The following LARP4B variants were observed in gnomAD, a reference collection of about 807,000 sequenced individuals.
LARP4B encodes La ribonucleoprotein 4B.
Under a neutral mutation model 89.8 loss-of-function variants are expected in LARP4B, and 12 were observed. The observed-to-expected ratio is 0.13, with a 90% CI of 0.09 to 0.22. LARP4B has a LOEUF of 0.22. Among genes scored for constraint, LARP4B ranks in the 10% least tolerant of loss-of-function variants. The probability of loss-of-function intolerance (pLI) is 1.00; values close to 1 mark genes in which losing one functional copy is unlikely to be tolerated. For synonymous variants in LARP4B, 367 were observed against 363.3 expected, an observed-to-expected ratio of 1.01 and a Z score of -0.12; for missense variants, 757 against 947.7, an observed-to-expected ratio of 0.80 and a Z score of 2.64.
At chr10:827,275 C>CAAAAAAAAGAAAAAAA (rs58903055) in intron 11 of LARP4B, among the ~76,000 whole-genome samples, 21,805 of 150,762 alleles carry the variant, frequency 0.14, 1,759 homozygotes, top group Non-Finnish European at 0.18. Context: ...GACTCTGTCT[C>CAAAAAAAAGAAAAAAA]AAAGAAAAAG....
the LARP4B span, chr10:986,109 T>A: frequency 6.6e-6 from 1 of 152,148 alleles, no homozygotes; most frequent in Admixed American, 6.5e-5. Flanking sequence ...GAAGTTCAGT[T>A]CTGCAAAATG....
chr10:828,720 G>A (rs1832746868), intron 11 of LARP4B, among the ~76,000 whole-genome samples: 1 of 152,038 alleles, frequency 6.6e-6, no homozygotes, highest in African/African-American at 2.4e-5. Flanking sequence ...AAACCTCTAG[G>A]CCATGAACCC....
chr10:953,560 G>A, the LARP4B span, among the ~76,000 whole-genome samples: 4 of 140,786 alleles, frequency 2.8e-5, no homozygotes, highest in African/African-American at 1.1e-4. Flanking sequence ...ACCTTTAAAA[G>A]GAAGAAATCG....
intron 3 of LARP4B, among the ~76,000 whole-genome samples, chr10:866,355 T>C (rs545115414): frequency 1.3e-5 from 2 of 152,352 alleles, no homozygotes; most frequent in East Asian, 3.9e-4. Context: ...ACTTGCCCTC[T>C]TCTCTCTCAT....
the LARP4B span, among the ~76,000 whole-genome samples, chr10:965,137 G>A: frequency 2.0e-5 from 3 of 152,228 alleles, no homozygotes; most frequent in African/African-American, 7.2e-5. Context: ...TCCACACAGT[G>A]CCAGTTTCCT....
intron 15 of LARP4B, chr10:815,330 C>T (rs1831980251): frequency 3.3e-6 from 1 of 304,216 alleles, no homozygotes; most frequent in Non-Finnish European, 6.0e-6. Context: ...TGATGATCTA[C>T]AAGCTTATTT....
the LARP4B span, among the ~76,000 whole-genome samples, chr10:948,696 G>A: frequency 6.6e-6 from 1 of 152,188 alleles, no homozygotes; most frequent in African/African-American, 2.4e-5. Context: ...CCCTGGTAAG[G>A]CCTCCATTGC....
intron 3 of LARP4B, among the ~76,000 whole-genome samples, chr10:883,515 A>C (rs1696186708): frequency 6.6e-6 from 1 of 152,148 alleles, no homozygotes; most frequent in Admixed American, 6.5e-5. Flanking sequence ...TGTTTCAAAA[A>C]AATAATAATA....
chr10:942,746 T>G, the LARP4B span: 7 of 152,142 alleles, frequency 4.6e-5, no homozygotes, highest in African/African-American at 1.7e-4. Context: ...TCTGATAATT[T>G]TGTGATTCCA....
At chr10:960,186 C>G in the LARP4B span, among the ~76,000 whole-genome samples, 1 of 152,004 alleles carries the variant, frequency 6.6e-6, no homozygotes, top group Non-Finnish European at 1.5e-5. Flanking sequence ...AAAGGCGGAA[C>G]TGGGGATAAT....
At chr10:952,339 CAAAAAA>C in the LARP4B span, among the ~76,000 whole-genome samples, 10 of 16,948 alleles carry the variant, frequency 5.9e-4, no homozygotes, top group Non-Finnish European at 8.9e-4. Context: ...GACTCCATCT[CAAAAAA>C]AAAAAAAAAA....
the LARP4B span, among the ~76,000 whole-genome samples, chr10:947,996 G>GTGAT: frequency 1.3e-5 from 2 of 152,210 alleles, no homozygotes; most frequent in East Asian, 3.9e-4. Flanking sequence ...TGCTGGCAGT[G>GTGAT]TGATAGTGGA....
chr10:956,408 C>T, the LARP4B span, among the ~76,000 whole-genome samples: 6 of 151,744 alleles, frequency 4.0e-5, no homozygotes, highest in South Asian at 2.1e-4. This position sits in a 1 kb window ranked among gnomAD's most constrained non-coding sequence, Gnocchi z 4.3. Context: ...TGCAGTGGCG[C>T]GATCTCGGCT....
chr10:894,912 C>T (rs1419304802), intron 1 of LARP4B, among the ~76,000 whole-genome samples: 7 of 152,186 alleles, frequency 4.6e-5, no homozygotes, highest in Admixed American at 6.5e-5. Context: ...AAGCCAGGCA[C>T]GGTGGCTCAC....
intron 5 of LARP4B, among the ~76,000 whole-genome samples, chr10:852,493 G>A (rs1418702841): frequency 6.6e-6 from 1 of 152,072 alleles, no homozygotes; most frequent in Non-Finnish European, 1.5e-5. Context: ...ACATATAAAG[G>A]GCACAGACCT....
intron 1 of LARP4B, among the ~76,000 whole-genome samples, chr10:919,107 T>G (rs2132041840): frequency 6.6e-6 from 1 of 152,266 alleles, no homozygotes; most frequent in South Asian, 2.1e-4. Context: ...CAATGAAAAT[T>G]ACTATTAATA....
the LARP4B span, among the ~76,000 whole-genome samples, chr10:983,051 T>C: frequency 1.3e-5 from 2 of 152,272 alleles, no homozygotes; most frequent in Admixed American, 6.5e-5. Context: ...GGTTATTACC[T>C]TTCTCTTTAT....
chr10:891,405 T>C (rs182158944), intron 1 of LARP4B, among the ~76,000 whole-genome samples: 49 of 152,326 alleles, frequency 3.2e-4, no homozygotes, highest in Non-Finnish European at 1.5e-5. Flanking sequence ...GGACAACTGA[T>C]AATACTAAAA....
At chr10:875,015 CT>C (rs1178902104) in intron 3 of LARP4B, among the ~76,000 whole-genome samples, 1 of 152,208 alleles carries the variant, frequency 6.6e-6, no homozygotes, top group Non-Finnish European at 1.5e-5. Flanking sequence ...GCACCAAGAA[CT>C]TTAGTAGCAG....
Sources: allele counts gnomAD v4.1 joint callset (sites outside exome capture counted in the v4.1 genomes callset), GRCh38; gene constraint gnomAD v4.1.1; non-coding constraint Gnocchi (gnomAD v3.1); transcripts MANE v1.5; gene names NCBI Gene and HGNC (gene_info 2026-07-23, HGNC 2026-07-21).